MAML2: variants seen among roughly 807,000 people sequenced by gnomAD.
The protein encoded by MAML2 is mastermind-like protein 2.
MAML2 carries 22 observed loss-of-function variants against 96.1 expected under a neutral mutation model. The ratio of observed to expected loss-of-function variants is 0.23; its 90% CI spans 0.16 to 0.33. The LOEUF (loss-of-function observed/expected upper bound fraction) is 0.33. Ranked by LOEUF, MAML2 falls within the 10% of genes least tolerant of loss-of-function variation. The probability of loss-of-function intolerance (pLI) is 1.00; values close to 1 mark genes in which losing one functional copy is unlikely to be tolerated. For missense variants in MAML2, 1,367 were observed against 1,392.4 expected (o/e 0.98, Z 0.29); for synonymous variants, 561 against 521.3 (o/e 1.08, Z -1.04).
intron 1 of MAML2, among the ~76,000 whole-genome samples, chr11:96,201,350 C>T (rs1282643019): frequency 6.6e-6 from 1 of 152,132 alleles, no homozygotes; most frequent in Non-Finnish European, 1.5e-5. Flanking sequence ...GTTCCCTCCC[C>T]AATTATAACA....
chr11:96,260,868 G>T (rs184604470), intron 1 of MAML2, among the ~76,000 whole-genome samples: 61 of 151,986 alleles, frequency 4.0e-4, no homozygotes, highest in African/African-American at 1.3e-3. Flanking sequence ...CTCTTAAAAA[G>T]GTTGTTTTTT....
intron 4 of MAML2, among the ~76,000 whole-genome samples, chr11:95,984,770 G>C (rs1042248723): frequency 3.3e-5 from 5 of 152,162 alleles, no homozygotes; most frequent in East Asian, 1.9e-4. Context: ...GAAGGTAACA[G>C]GTAAGGCAGA....
intron 1 of MAML2, among the ~76,000 whole-genome samples, chr11:96,241,995 T>TA (rs1862444358): frequency 6.6e-6 from 1 of 152,256 alleles, no homozygotes. Context: ...TTACTTGTTA[T>TA]ATATCTTTGC....
intron 1 of MAML2, among the ~76,000 whole-genome samples, chr11:96,234,252 C>T (rs1290711569): frequency 1.3e-5 from 2 of 152,118 alleles, no homozygotes; most frequent in East Asian, 1.9e-4. Context: ...GAAGCCAAGG[C>T]GGGCGGGTCA....
chr11:96,213,704 C>G (rs570207747), intron 1 of MAML2, among the ~76,000 whole-genome samples: 1 of 152,200 alleles, frequency 6.6e-6, no homozygotes, highest in East Asian at 1.9e-4. Context: ...CAAAAGATAC[C>G]AAGGATAAGG....
intron 1 of MAML2, among the ~76,000 whole-genome samples, chr11:96,322,209 C>T (rs1018027489): frequency 1.3e-5 from 2 of 152,106 alleles, no homozygotes; most frequent in Admixed American, 6.5e-5. Flanking sequence ...TTAACCTTTT[C>T]TCCAAGAAGT....
intron 1 of MAML2, among the ~76,000 whole-genome samples, chr11:96,162,771 C>G: frequency 6.6e-6 from 1 of 151,160 alleles, no homozygotes; most frequent in East Asian, 1.9e-4. Context: ...CCTCATGGAA[C>G]TTACAGTTGA....
chr11:96,044,167 C>T (rs577842967), intron 2 of MAML2, among the ~76,000 whole-genome samples: 4 of 152,246 alleles, frequency 2.6e-5, no homozygotes, highest in South Asian at 2.1e-4. Context: ...GAACAGGGCC[C>T]GAAAATTCTT....
intron 1 of MAML2, among the ~76,000 whole-genome samples, chr11:96,231,913 A>G (rs1591085871): frequency 6.6e-6 from 1 of 152,212 alleles, no homozygotes; most frequent in Admixed American, 6.5e-5. Context: ...TTCCATGCTC[A>G]CCAAGAGTTC....
chr11:96,263,795 A>G (rs1464850460), intron 1 of MAML2, among the ~76,000 whole-genome samples: 1 of 152,226 alleles, frequency 6.6e-6, no homozygotes, highest in East Asian at 1.9e-4. Flanking sequence ...GGTATCATTA[A>G]AAGAGCAACC....
chr11:96,314,235 A>C (rs185228097), intron 1 of MAML2, among the ~76,000 whole-genome samples: 34 of 152,352 alleles, frequency 2.2e-4, no homozygotes, highest in African/African-American at 7.9e-4. Context: ...ACGGGACAAG[A>C]GTCACAGGTG....
chr11:96,195,012 G>A (rs1247659167), intron 1 of MAML2, among the ~76,000 whole-genome samples: 1 of 152,180 alleles, frequency 6.6e-6, no homozygotes, highest in African/African-American at 2.4e-5. Flanking sequence ...TTTTCTGACT[G>A]TGTCTATGAG....
chr11:96,034,599 A>G (rs1438252881), intron 2 of MAML2, among the ~76,000 whole-genome samples: 1 of 152,228 alleles, frequency 6.6e-6, no homozygotes, highest in Admixed American at 6.5e-5. Context: ...GGAAGTAGCA[A>G]AGTAATAAGA....
At chr11:96,058,356 G>A (rs1004342687) in intron 2 of MAML2, among the ~76,000 whole-genome samples, 16 of 152,094 alleles carry the variant, frequency 1.1e-4, no homozygotes, top group African/African-American at 3.9e-4. Context: ...GTCGCACCCC[G>A]TTGCCCAGGC....
intron 1 of MAML2, among the ~76,000 whole-genome samples, chr11:96,232,077 A>G (rs1862301183): frequency 6.6e-6 from 1 of 152,196 alleles, no homozygotes; most frequent in South Asian, 2.1e-4. Flanking sequence ...TGGCTGATGT[A>G]GTAACATGTG....
intron 2 of MAML2, among the ~76,000 whole-genome samples, chr11:96,054,195 C>T (rs1859028882): frequency 6.6e-6 from 1 of 152,176 alleles, no homozygotes; most frequent in Non-Finnish European, 1.5e-5. Flanking sequence ...ATTCTTTTCA[C>T]AGACTAACTT....
intron 2 of MAML2, among the ~76,000 whole-genome samples, chr11:96,004,950 C>T (rs1043725233): frequency 4.6e-5 from 7 of 152,122 alleles, no homozygotes; most frequent in South Asian, 2.1e-4. Context: ...GGCTCTGCCT[C>T]CTGACAGGGA....
At chr11:96,064,001 C>A (rs756400632) in intron 2 of MAML2, among the ~76,000 whole-genome samples, 1 of 152,176 alleles carries the variant, frequency 6.6e-6, no homozygotes, top group Non-Finnish European at 1.5e-5. Context: ...GCCAGGACAT[C>A]TTTTACCTAA....
At position 96,092,803 on chromosome 11, in the gene MAML2, T is replaced by C. The variant is rs1859749085; in HGVS notation, c.1228A>G (p.Ser410Gly). The C allele has an allele frequency of 6.2e-7, 1 of 1,611,616 alleles. No individual in the cohort carries two copies. ...GAGCCTGTCTGAGGCTGAGCCTGGC[T>C]CTGAGGGACTGAAGGGATTGGAGAC... Reference protein sequence around the residue: ...TSSPIPSVPQSQAQPQTGSGA... With the variant: ...TSSPIPSVPQGQAQPQTGSGA... Residue 410 changes from serine (S) to glycine (G), a missense_variant, in exon 2 of 5, where the codon AGC (serine) becomes GGC (glycine). Transcript: ENST00000524717. The surrounding 1 kb of genome is among the most constrained non-coding windows in gnomAD (Gnocchi z 4.1).
Sources: gnomAD v4.1 joint callset for allele counts (sites outside exome capture counted in the v4.1 genomes callset) on GRCh38, gnomAD v4.1.1 for gene constraint, Gnocchi (gnomAD v3.1) non-coding constraint, MANE v1.5 for transcripts, NCBI Gene and HGNC (gene_info 2026-07-23, HGNC 2026-07-21) for gene names.